Variants in GALNT17 observed in about 807,000 individuals in gnomAD.
GALNT17 encodes the protein polypeptide N-acetylgalactosaminyltransferase 17.
A neutral mutation model predicts 63.7 loss-of-function variants in GALNT17; 29 were observed. That is an observed-to-expected ratio of 0.46 (90% CI 0.34 to 0.62). GALNT17 has a LOEUF of 0.62. Among genes scored for constraint, GALNT17 ranks in the 20% least tolerant of loss-of-function variants. The pLI, the probability that GALNT17 is intolerant of heterozygous loss-of-function variation, is 0.01. For missense variants in GALNT17, 603 were observed against 799.6 expected (o/e 0.75, Z 2.97); for synonymous variants, 305 against 318.3 (o/e 0.96, Z 0.45).
At chr7:71,171,144 T>G (rs1788540088) in intron 1 of GALNT17, among the ~76,000 whole-genome samples, 1 of 152,242 alleles carries the variant, frequency 6.6e-6, no homozygotes, top group South Asian at 2.1e-4. Context: ...TGATTTCCAA[T>G]TACTCAAAAG....
intron 1 of GALNT17, among the ~76,000 whole-genome samples, chr7:71,288,162 G>A: frequency 7.4e-6 from 1 of 135,072 alleles, no homozygotes; most frequent in Admixed American, 8.5e-5. Context: ...GTTGCAGTGA[G>A]CCAAGATTGC....
intron 3 of GALNT17, among the ~76,000 whole-genome samples, chr7:71,391,658 T>C (rs1793053905): frequency 6.6e-6 from 1 of 151,820 alleles, no homozygotes; most frequent in African/African-American, 2.4e-5. Flanking sequence ...AATTTATATA[T>C]ATATTTTTTG....
chr7:71,498,769 T>G (rs1175717753), intron 5 of GALNT17, among the ~76,000 whole-genome samples: 2 of 152,170 alleles, frequency 1.3e-5, no homozygotes, highest in African/African-American at 2.4e-5. Flanking sequence ...CTGGGCTGCC[T>G]CTGAAAACCC....
chr7:71,432,659 A>T (rs1234085657), intron 5 of GALNT17, among the ~76,000 whole-genome samples: 3 of 152,160 alleles, frequency 2.0e-5, no homozygotes, highest in African/African-American at 4.8e-5. Context: ...GAAGGTGGGA[A>T]ATATGCATTA....
intron 1 of GALNT17, among the ~76,000 whole-genome samples, chr7:71,148,453 A>G (rs1174017166): frequency 6.6e-6 from 1 of 152,174 alleles, no homozygotes. Flanking sequence ...CTGATGACCA[A>G]CTTTGCTTCA....
chr7:71,628,839 C>T (rs535346167), intron 6 of GALNT17, among the ~76,000 whole-genome samples: 8 of 151,968 alleles, frequency 5.3e-5, no homozygotes, highest in East Asian at 2.0e-4. Context: ...GGCTGAGGCA[C>T]GAGAATCGCT....
chr7:71,555,742 G>A (rs560494561), intron 5 of GALNT17, among the ~76,000 whole-genome samples: 40 of 152,176 alleles, frequency 2.6e-4, no homozygotes, highest in South Asian at 6.2e-4. Flanking sequence ...AGATTCCCTC[G>A]TTGATCCTAA....
intron 1 of GALNT17, among the ~76,000 whole-genome samples, chr7:71,213,827 A>G (rs12536488): frequency 6.6e-6 from 1 of 151,938 alleles, no homozygotes; most frequent in African/African-American, 2.4e-5. Flanking sequence ...CTCAATGCCT[A>G]ATGCTTTCTT....
intron 9 of GALNT17, among the ~76,000 whole-genome samples, chr7:71,693,299 C>CATATATATATATAT (rs1327263888): frequency 2.6e-5 from 3 of 116,272 alleles, no homozygotes; most frequent in African/African-American, 1.0e-4. Flanking sequence ...CACACACACA[C>CATATATATATATAT]ACACACACAC....
chr7:71,239,669 C>A (rs187674753), intron 1 of GALNT17, among the ~76,000 whole-genome samples: 1 of 152,280 alleles, frequency 6.6e-6, no homozygotes, highest in Non-Finnish European at 1.5e-5. Flanking sequence ...AGGGCTGGAT[C>A]TCTGAAACGG....
At chr7:71,643,053 T>G (rs2117009866) in intron 6 of GALNT17, among the ~76,000 whole-genome samples, 1 of 152,298 alleles carries the variant, frequency 6.6e-6, no homozygotes, top group Middle Eastern at 3.4e-3. Context: ...CATGATGAAC[T>G]TCGTCGATAG....
chr7:71,140,606 G>A (rs1324305830), intron 1 of GALNT17, among the ~76,000 whole-genome samples: 1 of 152,166 alleles, frequency 6.6e-6, no homozygotes, highest in Non-Finnish European at 1.5e-5. Context: ...TTGTGGAAAG[G>A]AAGAAAGCTC....
intron 1 of GALNT17, among the ~76,000 whole-genome samples, chr7:71,166,064 T>G (rs1162349008): frequency 6.7e-6 from 1 of 149,748 alleles, no homozygotes; most frequent in Non-Finnish European, 1.5e-5. Context: ...TGCATGTCCT[T>G]CTGAAGAGCT....
Position 71,321,943 on chromosome 7 carries a change from C to CCTT in GALNT17, c.239-13606_239-13605insTTC, listed in dbSNP as rs1563001349. Among the ~76,000 whole-genome samples the CCTT allele has an allele frequency of 7.0e-3, 334 of 47,700 alleles. 11 individuals carry two copies. Among genetic ancestry groups the CCTT allele is most frequent in the African/African-American group, 0.027 (317 of 11,796 alleles). 31.3% of individuals were successfully genotyped at this position (47,700 alleles called of 152,430 possible). ...CCTTCCCCTCCCTCCCTCCCTCCCT[C>CCTT]CCTTCCTTCCTTCCTTCCTTTTTTT... On this transcript the variant is annotated intron_variant, in intron 1 of 10. Coordinates refer to ENST00000333538, the MANE Select transcript of GALNT17 (RefSeq NM_022479.3).
intron 5 of GALNT17, among the ~76,000 whole-genome samples, chr7:71,482,437 A>G (rs1279159295): frequency 2.6e-5 from 4 of 152,208 alleles, no homozygotes; most frequent in Admixed American, 2.0e-4. Flanking sequence ...GGTGTGAGCC[A>G]CTGCACCTGC....
intron 1 of GALNT17, among the ~76,000 whole-genome samples, chr7:71,197,183 CCT>C (rs1271324898): frequency 6.8e-6 from 1 of 147,954 alleles, no homozygotes; most frequent in Non-Finnish European, 1.5e-5. Context: ...TTATAGTCAC[CCT>C]GTTGTGCTTT....
chr7:71,440,625 C>T (rs976016196), intron 5 of GALNT17, among the ~76,000 whole-genome samples: 7 of 152,132 alleles, frequency 4.6e-5, no homozygotes, highest in African/African-American at 1.2e-4. Context: ...CTGCCCACCT[C>T]GGCCTCCCAA....
chr7:71,457,063 A>G (rs915321236), intron 5 of GALNT17, among the ~76,000 whole-genome samples: 13 of 152,120 alleles, frequency 8.5e-5, no homozygotes, highest in African/African-American at 3.1e-4. Flanking sequence ...CATTTTTACA[A>G]AAACAATAGA....
intron 1 of GALNT17, among the ~76,000 whole-genome samples, chr7:71,310,747 A>G (rs533744777): frequency 2.0e-5 from 3 of 152,314 alleles, no homozygotes; most frequent in South Asian, 4.1e-4. Flanking sequence ...TTTCCTTTCT[A>G]TTGGCCCTAC....
Sources: allele counts gnomAD v4.1 joint callset (sites outside exome capture counted in the v4.1 genomes callset), GRCh38; gene constraint gnomAD v4.1.1; transcripts MANE v1.5; gene names NCBI Gene and HGNC (gene_info 2026-07-23, HGNC 2026-07-21).